The following CDK8 variants were observed in gnomAD, a reference collection of about 807,000 sequenced individuals.
The protein encoded by CDK8 is cyclin-dependent kinase 8.
CDK8 carries 29 observed loss-of-function variants against 71.5 expected under a neutral mutation model. The observed-to-expected ratio is 0.41, with a 90% CI of 0.30 to 0.55. The LOEUF is 0.55. Among genes scored for constraint, CDK8 ranks in the 20% least tolerant of loss-of-function variants. CDK8 has a pLI of 0.37. For synonymous variants in CDK8, 161 were observed against 192.1 expected, an observed-to-expected ratio of 0.84 and a Z score of 1.34; for missense variants, 288 against 572.6, an observed-to-expected ratio of 0.50 and a Z score of 5.07.
intron 1 of CDK8, among the ~76,000 whole-genome samples, chr13:26,283,791 G>A (rs995810727): frequency 4.0e-5 from 6 of 151,820 alleles, no homozygotes; most frequent in Non-Finnish European, 7.4e-5. Context: ...CCAGCTACTC[G>A]GGAGGCTGAG....
intron 6 of CDK8, among the ~76,000 whole-genome samples, chr13:26,387,362 C>T (rs1875529027): frequency 1.3e-5 from 2 of 152,156 alleles, no homozygotes; most frequent in African/African-American, 4.8e-5. Flanking sequence ...ATTTAAAAAT[C>T]AGGTTACTAA....
At chr13:26,376,518 GAAGT>G (rs1033161122) in intron 4 of CDK8, among the ~76,000 whole-genome samples, 12 of 152,078 alleles carry the variant, frequency 7.9e-5, no homozygotes, top group Non-Finnish European at 1.3e-4. Context: ...TTCTTTATTA[GAAGT>G]AAGTTGTATC....
At position 26,271,110 on chromosome 13, in the gene CDK8, A is replaced by T. The variant is rs559995220; in HGVS notation, c.128+16341A>T. On this transcript the variant is annotated intron_variant, in intron 1 of 12. Coordinates refer to ENST00000381527, the MANE Select transcript of CDK8 (RefSeq NM_001260.3). ...TTATGTGCTTATTGACCATTCATGT[A>T]TCTTTGTGGGAAAATATATTCAAAT... is the stretch of plus-strand genomic sequence containing the variant. 2.6e-5 allele frequency among the ~76,000 whole-genome samples: 4 copies of T among 152,328 alleles called. No homozygotes were observed. In the South Asian group the frequency reaches 8.3e-4, roughly 32 times the overall value.
chr13:26,348,652 C>T (rs1481533925), intron 2 of CDK8, among the ~76,000 whole-genome samples: 1 of 151,866 alleles, frequency 6.6e-6, no homozygotes, highest in Non-Finnish European at 1.5e-5. Context: ...GGTTGGGAAC[C>T]GCTGGTTTAA....
At chr13:26,395,483 G>A (rs1441786163) in intron 7 of CDK8, among the ~76,000 whole-genome samples, 5 of 139,626 alleles carry the variant, frequency 3.6e-5, no homozygotes, top group South Asian at 2.3e-4. Flanking sequence ...GCGAAACTCC[G>A]TCTCAAAAAA....
intron 10 of CDK8, 67 bp downstream of exon 10, chr13:26,400,617 TCAG>T (rs771827393): frequency 1.0e-6 from 1 of 953,590 alleles, no homozygotes. Context: ...CTTCTGCTTG[TCAG>T]CTCTTAAGTT....
chr13:26,361,784 C>CTT (rs553508554), intron 4 of CDK8, among the ~76,000 whole-genome samples: 807 of 63,350 alleles, frequency 0.013, 117 homozygotes, highest in Non-Finnish European at 0.018. Context: ...TTTCTTTTCC[C>CTT]TTTTTTTTTT....
In CDK8 at chr13:26,256,355, TC is replaced by T. The variant is rs60202950; in HGVS notation, c.128+1590del. ...TATTTCTCAAAAGCTTTAAACCATC[TC>T]CCCTTCCCCCAGTATTATGTAATTT... On this transcript the variant is annotated intron_variant, in intron 1 of 12. Coordinates refer to ENST00000381527, the MANE Select transcript of CDK8 (RefSeq NM_001260.3). 8.0e-3 allele frequency among the ~76,000 whole-genome samples: 1,213 copies of T among 152,236 alleles called. 26 individuals are homozygous for T. Among genetic ancestry groups the T allele is most frequent in the African/African-American group, 0.026 (1,091 of 41,522 alleles).
At chr13:26,343,300 A>G (rs1873320123) in intron 2 of CDK8, among the ~76,000 whole-genome samples, 1 of 152,124 alleles carries the variant, frequency 6.6e-6, no homozygotes. Flanking sequence ...TATACCGAAT[A>G]CTATAGGCAA....
At chr13:26,386,554 C>T (rs1875486515) in intron 6 of CDK8, among the ~76,000 whole-genome samples, 1 of 152,002 alleles carries the variant, frequency 6.6e-6, no homozygotes, top group African/African-American at 2.4e-5. Flanking sequence ...CTTTTTTATT[C>T]CTCTGGGTTA....
chr13:26,322,101 C>T (rs1388360986), intron 1 of CDK8, among the ~76,000 whole-genome samples: 2 of 152,058 alleles, frequency 1.3e-5, no homozygotes, highest in African/African-American at 2.4e-5. Flanking sequence ...TATTTGCTTA[C>T]AGAGAAATGG....
At chr13:26,301,717 C>T (rs1335298449) in intron 1 of CDK8, among the ~76,000 whole-genome samples, 1 of 152,178 alleles carries the variant, frequency 6.6e-6, no homozygotes, top group African/African-American at 2.4e-5. Context: ...CATAATGTCA[C>T]CTTTGATTAC....
At chr13:26,272,471 C>T (rs1872376129) in intron 1 of CDK8, among the ~76,000 whole-genome samples, 1 of 152,200 alleles carries the variant, frequency 6.6e-6, no homozygotes, top group Non-Finnish European at 1.5e-5. Context: ...GAGCTGTCAT[C>T]TCCTATGATG....
chr13:26,323,340 G>A (rs201025633), intron 1 of CDK8, among the ~76,000 whole-genome samples: 409 of 5,250 alleles, frequency 0.078, 1 homozygote, highest in Middle Eastern at 0.5. Flanking sequence ...AGAGAGAGAG[G>A]GAGAGGGAGA....
chr13:26,309,406 T>G (rs1000302542), intron 1 of CDK8, among the ~76,000 whole-genome samples: 6 of 152,220 alleles, frequency 3.9e-5, no homozygotes, highest in Non-Finnish European at 7.3e-5. Flanking sequence ...CCCAAAGTGC[T>G]GGGATTACAG....
chr13:26,368,781 G>A (rs1004638023), intron 4 of CDK8, among the ~76,000 whole-genome samples: 2 of 152,174 alleles, frequency 1.3e-5, no homozygotes, highest in Non-Finnish European at 2.9e-5. Context: ...TGGTTAAGTT[G>A]TTTGTTTCTA....
At chr13:26,346,421 A>G (rs187221759) in intron 2 of CDK8, among the ~76,000 whole-genome samples, 19 of 152,354 alleles carry the variant, frequency 1.2e-4, no homozygotes, top group African/African-American at 4.3e-4. Flanking sequence ...TCTTTTGCCA[A>G]TGCTTTGGAA....
At chr13:26,315,431 G>A (rs1874463665) in intron 1 of CDK8, among the ~76,000 whole-genome samples, 1 of 152,200 alleles carries the variant, frequency 6.6e-6, no homozygotes, top group South Asian at 2.1e-4. Context: ...ATCAGTGTGT[G>A]TGTGAGTGTG....
chr13:26,318,048 A>G (rs116954148), intron 1 of CDK8, among the ~76,000 whole-genome samples: 1,581 of 151,490 alleles, frequency 0.01, 77 homozygotes, highest in East Asian at 0.08. Flanking sequence ...TGGACTAAGA[A>G]AAAAAAAAGA....
Sources: gnomAD v4.1 joint callset for allele counts (sites outside exome capture counted in the v4.1 genomes callset) on GRCh38, gnomAD v4.1.1 for gene constraint, MANE v1.5 for transcripts, NCBI Gene and HGNC (gene_info 2026-07-23, HGNC 2026-07-21) for gene names.